Variants in PCDH9 observed in about 807,000 individuals in gnomAD.
The protein encoded by PCDH9 is protocadherin-9.
In PCDH9, 24 loss-of-function variants were observed where a neutral mutation model predicts 70.6. The ratio of observed to expected loss-of-function variants is 0.34; its 90% CI spans 0.25 to 0.48. PCDH9 has a LOEUF of 0.48. Ranked by LOEUF, PCDH9 falls within the 20% of genes least tolerant of loss-of-function variation. PCDH9 has a pLI of 0.99. For missense variants in PCDH9, 1,281 were observed against 1,503.6 expected (o/e 0.85, Z 2.45); for synonymous variants, 562 against 558.5 (o/e 1.01, Z -0.09).
At chr13:66,883,472 T>A (rs1205054827) in intron 3 of PCDH9, among the ~76,000 whole-genome samples, 1 of 152,190 alleles carries the variant, frequency 6.6e-6, no homozygotes, top group African/African-American at 2.4e-5. Flanking sequence ...AAAACAGCCA[T>A]ATTTCATTTG....
chr13:66,518,291 G>A (rs1206496455), intron 4 of PCDH9, among the ~76,000 whole-genome samples: 2 of 151,898 alleles, frequency 1.3e-5, no homozygotes, highest in African/African-American at 2.4e-5. Flanking sequence ...TGAAGGATCC[G>A]CCCCCATGAT....
intron 3 of PCDH9, among the ~76,000 whole-genome samples, chr13:66,849,132 T>A (rs1371370618): frequency 1.3e-5 from 2 of 152,020 alleles, no homozygotes; most frequent in Admixed American, 1.3e-4. Context: ...TCCAAAGATT[T>A]CTATTGCTTA....
intron 3 of PCDH9, among the ~76,000 whole-genome samples, chr13:66,886,263 C>T (rs1245545355): frequency 2.0e-5 from 3 of 152,122 alleles, no homozygotes; most frequent in Non-Finnish European, 4.4e-5. Flanking sequence ...AAAGGTTTAG[C>T]TCACCCTGAG....
rs142504611 is a variant in PCDH9 at position 66,545,622 on chromosome 13, C to T, written c.3340+85588G>A. On this transcript the variant is annotated intron_variant, in intron 4 of 4. Coordinates refer to ENST00000377865, the MANE Select transcript of PCDH9 (RefSeq NM_203487.3). ...TCCTATCACCTAGTGATGTTTTAAC[C>T]ATGATACCATTGTAGTTCAATGCCT... Among the ~76,000 whole-genome samples, 340 of 152,190 alleles carry T rather than the reference C, an allele frequency of 2.2e-3. 3 individuals are homozygous for T. Among genetic ancestry groups the T allele is most frequent in the African/African-American group, 7.8e-3 (325 of 41,552 alleles).
intron 1 of PCDH9, among the ~76,000 whole-genome samples, chr13:67,228,990 T>C (rs1593662006): frequency 6.6e-6 from 1 of 152,236 alleles, no homozygotes; most frequent in Admixed American, 6.5e-5. Context: ...TTGTCACATG[T>C]CAAATGTGTT....
At chr13:66,744,959 C>A (rs892223703) in intron 3 of PCDH9, among the ~76,000 whole-genome samples, 1 of 152,078 alleles carries the variant, frequency 6.6e-6, no homozygotes, top group East Asian at 1.9e-4. Context: ...CACATTTGTA[C>A]ATTCACCTAT....
intron 2 of PCDH9, among the ~76,000 whole-genome samples, chr13:67,115,440 C>T (rs1236356857): frequency 1.3e-5 from 2 of 152,166 alleles, no homozygotes; most frequent in African/African-American, 4.8e-5. Flanking sequence ...GATGAAGGAG[C>T]TCTCTGCCTG....
Position 66,895,639 on chromosome 13 carries a change from C to T in PCDH9, c.3138+7865G>A, listed in dbSNP as rs547838733. Among the ~76,000 whole-genome samples, 9 of 152,292 alleles carry T rather than the reference C, an allele frequency of 5.9e-5. No individual in the cohort carries two copies. In the South Asian group the frequency reaches 8.3e-4, roughly 14 times the overall value. On this transcript the variant is annotated intron_variant, in intron 3 of 4. Coordinates refer to ENST00000377865, the MANE Select transcript of PCDH9 (RefSeq NM_203487.3). Reference sequence around the variant, plus strand: ...GCAAATGCTTGAGCAGCATTATTTACGAGAACATGCAACTTCAATGGATTT... The same window carrying T: ...GCAAATGCTTGAGCAGCATTATTTATGAGAACATGCAACTTCAATGGATTT...
intron 3 of PCDH9, among the ~76,000 whole-genome samples, chr13:66,642,089 A>G (rs555952552): frequency 4.5e-4 from 69 of 152,252 alleles, no homozygotes; most frequent in African/African-American, 1.6e-3. Flanking sequence ...ATTTGTGAGC[A>G]TATGTATAGG....
chr13:67,226,070 T>C lies in PCDH9; in HGVS notation c.2371A>G (p.Thr791Ala), dbSNP rs568528255. ...TTCCTGTCCAACGGGGTCTCCATAG[T>C]CCTGCGGATCAAGTCATAGATATAG... ...ASYIYDLIRRTMETPLDRNIG... is the reference protein window; with the variant it reads ...ASYIYDLIRRAMETPLDRNIG... Residue 791 changes from threonine (T) to alanine (A), a missense_variant, in exon 2 of 5, where the codon ACT becomes GCT. By Grantham distance (58) the Thr-to-Ala change is moderately conservative. This residue lies in a region of PCDH9 where 798 missense variants were observed against 1,003.1 expected (regional missense o/e 0.80). Coordinates refer to ENST00000377865, the MANE Select transcript of PCDH9 (RefSeq NM_203487.3). This position sits in a 1 kb window ranked among gnomAD's most constrained non-coding sequence, Gnocchi z 5.0. 2 of 1,614,074 alleles carry C rather than the reference T, an allele frequency of 1.2e-6. No individual in the cohort carries two copies. Among genetic ancestry groups the C allele is most frequent in the African/African-American group, 1.3e-5 (1 of 75,014 alleles).
At position 67,115,399 on chromosome 13, in the gene PCDH9, A is replaced by G. The variant is rs540461582; in HGVS notation, c.3036+110006T>C. Among the ~76,000 whole-genome samples, 8 of 152,254 alleles carry G rather than the reference A, an allele frequency of 5.3e-5. No individual in the cohort carries two copies. The South Asian group carries it at 1.5e-3, about 28-fold the overall frequency. On this transcript the variant is annotated intron_variant, in intron 2 of 4. Transcript: ENST00000377865. ...TGCTGCTGGTGGTTGAAGACAATGC[A>G]TGTTCTGTGCAACCCACCCAGGAGC... is the stretch of plus-strand genomic sequence containing the variant.
intron 4 of PCDH9, among the ~76,000 whole-genome samples, chr13:66,503,047 C>T (rs1382629315): frequency 6.6e-6 from 1 of 152,074 alleles, no homozygotes; most frequent in Non-Finnish European, 1.5e-5. Flanking sequence ...CTGAGCAGTC[C>T]AGGATGGGGG....
At chr13:66,837,109 G>A (rs1485462381) in intron 3 of PCDH9, among the ~76,000 whole-genome samples, 1 of 152,202 alleles carries the variant, frequency 6.6e-6, no homozygotes, top group Non-Finnish European at 1.5e-5. Flanking sequence ...CTAGGTTATA[G>A]AACATGCTGA....
At chr13:67,157,677 A>AATACATGTG (rs1471174565) in intron 2 of PCDH9, among the ~76,000 whole-genome samples, 1 of 152,232 alleles carries the variant, frequency 6.6e-6, no homozygotes, top group East Asian at 1.9e-4. Context: ...TAATGAAAAA[A>AATACATGTG]ATACATGTGA....
At chr13:66,529,185 A>G (rs1444283011) in intron 4 of PCDH9, among the ~76,000 whole-genome samples, 1 of 152,128 alleles carries the variant, frequency 6.6e-6, no homozygotes, top group Non-Finnish European at 1.5e-5. Flanking sequence ...GAAATATAGG[A>G]CAAATCAGTG....
rs1234273584 is a variant in PCDH9, at chr13:66,475,277, T to C, written c.3340+155933A>G. Among the ~76,000 whole-genome samples, 4 of 152,092 alleles carry C rather than the reference T, an allele frequency of 2.6e-5. No homozygotes were observed. The East Asian group carries it at 5.8e-4, about 22-fold the overall frequency. ...TGTATAAAGCACACTTGCTGGCACA[T>C]AGTAGATGCACAAAATATGTTAATT... On this transcript the variant is annotated intron_variant, in intron 4 of 4. Coordinates refer to ENST00000377865, the MANE Select transcript of PCDH9 (RefSeq NM_203487.3).
chr13:66,918,322 C>T (rs553175069), intron 2 of PCDH9, among the ~76,000 whole-genome samples: 2 of 151,186 alleles, frequency 1.3e-5, no homozygotes, highest in African/African-American at 4.8e-5. Flanking sequence ...TTTGTTTCTC[C>T]TTGGTTTCCA....
intron 4 of PCDH9, among the ~76,000 whole-genome samples, chr13:66,505,819 C>T (rs1347637808): frequency 6.6e-6 from 1 of 152,062 alleles, no homozygotes; most frequent in Non-Finnish European, 1.5e-5. Flanking sequence ...GGTGGGGGCA[C>T]AGCCAAGCCA....
At chr13:66,653,690 G>A (rs1321989753) in intron 3 of PCDH9, among the ~76,000 whole-genome samples, 2 of 151,940 alleles carry the variant, frequency 1.3e-5, no homozygotes, top group South Asian at 2.1e-4. Context: ...GAAAATCGCC[G>A]GGCACGGTGG....
Sources: allele counts gnomAD v4.1 joint callset (sites outside exome capture counted in the v4.1 genomes callset), GRCh38; gene constraint gnomAD v4.1.1; regional missense constraint gnomAD v4.1.1; non-coding constraint Gnocchi (gnomAD v3.1); transcripts MANE v1.5; gene names NCBI Gene and HGNC (gene_info 2026-07-23, HGNC 2026-07-21).